DGKB: variants seen among roughly 807,000 people sequenced by gnomAD.
DGKB encodes 90 kDa diacylglycerol kinase.
Under a neutral mutation model 114.3 loss-of-function variants are expected in DGKB, and 67 were observed. That is an observed-to-expected ratio of 0.59 (90% CI 0.48 to 0.72). DGKB has a LOEUF of 0.72. Ranked by LOEUF, DGKB falls within the 30% of genes least tolerant of loss-of-function variation. DGKB has a pLI of 0.00. For synonymous variants in DGKB, 398 were observed against 323.1 expected (o/e 1.23, Z -2.49); for missense variants, 907 against 975.2 (o/e 0.93, Z 0.93).
chr7:14,625,964 A>G (rs1483118042), intron 14 of DGKB, among the ~76,000 whole-genome samples: 4 of 152,192 alleles, frequency 2.6e-5, no homozygotes, highest in Non-Finnish European at 5.9e-5. Context: ...TAACTGGGGA[A>G]TATATTGTAT....
At chr7:14,908,014 T>G (rs74820360), upstream of DGKB, among the ~76,000 whole-genome samples, 1,548 of 152,310 alleles carry the variant, frequency 0.01, 27 homozygotes, top group African/African-American at 0.035. Context: ...TGAAGTTTTA[T>G]GTGGAAAATT....
At chr7:14,170,145 A>AAAGAAAG (rs1554271986) in intron 25 of DGKB, among the ~76,000 whole-genome samples, 16 of 100,002 alleles carry the variant, frequency 1.6e-4, no homozygotes, top group Non-Finnish European at 2.2e-4. Flanking sequence ...AAAAAAAAAA[A>AAAGAAAG]AAAGAAAGAA....
intron 2 of DGKB, among the ~76,000 whole-genome samples, chr7:14,779,527 AG>A (rs1838753096): frequency 6.6e-6 from 1 of 152,196 alleles, no homozygotes; most frequent in Non-Finnish European, 1.5e-5. Flanking sequence ...CAGAAAAAAA[AG>A]AATATGATTA....
chr7:14,405,743 G>A (rs1823835830), intron 21 of DGKB, among the ~76,000 whole-genome samples: 1 of 151,984 alleles, frequency 6.6e-6, no homozygotes, highest in Admixed American at 6.6e-5. Flanking sequence ...GAGAGTAATG[G>A]AAACCAGGCA....
chr7:14,645,775 T>A (rs780759232), intron 13 of DGKB, among the ~76,000 whole-genome samples: 27 of 151,678 alleles, frequency 1.8e-4, no homozygotes, highest in African/African-American at 6.3e-4. Context: ...TAAAGTTTTC[T>A]CAGACAAGCA....
At chr7:14,722,456 A>G (rs1829329766) in intron 5 of DGKB, among the ~76,000 whole-genome samples, 2 of 151,968 alleles carry the variant, frequency 1.3e-5, no homozygotes, top group Admixed American at 6.6e-5. Context: ...ATAACATTGC[A>G]TTGTCTGGAT....
intron 23 of DGKB, among the ~76,000 whole-genome samples, chr7:14,206,496 G>A (rs1411651977): frequency 6.6e-6 from 1 of 152,048 alleles, no homozygotes; most frequent in East Asian, 1.9e-4. Context: ...TTCAGGGCAT[G>A]TGGGAGAAAA....
At chr7:14,658,174 T>C (rs1231961013) in intron 13 of DGKB, among the ~76,000 whole-genome samples, 2 of 151,874 alleles carry the variant, frequency 1.3e-5, no homozygotes, top group African/African-American at 4.8e-5. Context: ...GATACGTAGA[T>C]TGCTGCTTCA....
rs149178180 is a variant in DGKB at position 14,275,316 on chromosome 7, A to C, written c.2122+63199T>G. On this transcript the variant is annotated intron_variant, in intron 23 of 25. Transcript: ENST00000402815. ...AGGCCCTGGTATAGGGTTGACACAC[A>C]ATAAAAAGTTTTTGTATGAATATTT... Among the ~76,000 whole-genome samples the C allele has an allele frequency of 6.0e-3, 920 of 152,316 alleles. 13 individuals carry two copies. The highest frequency in any genetic ancestry group is 0.021 in the African/African-American group (877 of 41,564).
chr7:14,603,305 T>C (rs1803902694), intron 17 of DGKB, among the ~76,000 whole-genome samples: 1 of 152,100 alleles, frequency 6.6e-6, no homozygotes, highest in South Asian at 2.1e-4. Flanking sequence ...GCTTCACTTT[T>C]ATATTAGTAA....
chr7:14,756,819 G>A (rs1834939429), intron 3 of DGKB, among the ~76,000 whole-genome samples: 1 of 151,784 alleles, frequency 6.6e-6, no homozygotes. Flanking sequence ...AATACATCCT[G>A]ACAAAAGGGT....
At chr7:14,163,088 C>T (rs1175205148) in intron 25 of DGKB, among the ~76,000 whole-genome samples, 2 of 152,012 alleles carry the variant, frequency 1.3e-5, no homozygotes, top group Non-Finnish European at 2.9e-5. Context: ...ACGGGTGTTA[C>T]AGATCCAGCA....
At chr7:14,666,715 T>G (rs1818088922) in intron 13 of DGKB, among the ~76,000 whole-genome samples, 1 of 151,956 alleles carries the variant, frequency 6.6e-6, no homozygotes, top group Admixed American at 6.6e-5. Flanking sequence ...AAACAGTTTC[T>G]GACCTCTCTT....
chr7:14,886,099 G>T (rs1855008035), intron 1 of DGKB, among the ~76,000 whole-genome samples: 1 of 151,858 alleles, frequency 6.6e-6, no homozygotes, highest in African/African-American at 2.4e-5. Context: ...AGCAAGTTAA[G>T]AATACAGTTG....
intron 2 of DGKB, among the ~76,000 whole-genome samples, chr7:14,770,172 C>A (rs137990704): frequency 0.02 from 3,048 of 152,038 alleles, 143 homozygotes; most frequent in Admixed American, 0.096. Flanking sequence ...CTCTGAGAAG[C>A]CTTAAGTTGC....
intron 2 of DGKB, among the ~76,000 whole-genome samples, chr7:14,790,379 A>G (rs1840497657): frequency 6.6e-6 from 1 of 152,122 alleles, no homozygotes; most frequent in Admixed American, 6.5e-5. Context: ...TTAGTTCCCA[A>G]AGATTTTCTT....
intron 1 of DGKB, among the ~76,000 whole-genome samples, chr7:14,881,497 C>A (rs1854228827): frequency 6.6e-6 from 1 of 152,066 alleles, no homozygotes; most frequent in South Asian, 2.1e-4. Context: ...GCCAAAAGAA[C>A]ATTCTTGCCA....
chr7:14,547,079 A>C (rs184984100), intron 20 of DGKB, among the ~76,000 whole-genome samples: 1 of 152,342 alleles, frequency 6.6e-6, no homozygotes, highest in East Asian at 1.9e-4. Flanking sequence ...CAGAATGAGC[A>C]ATATGAAATT....
intron 2 of DGKB, among the ~76,000 whole-genome samples, chr7:14,792,553 C>T (rs1301682677): frequency 6.6e-6 from 1 of 152,046 alleles, no homozygotes; most frequent in Non-Finnish European, 1.5e-5. Context: ...AATGACAACC[C>T]TGGTTCCCTG....
Sources: allele counts gnomAD v4.1 joint callset (sites outside exome capture counted in the v4.1 genomes callset), GRCh38; gene constraint gnomAD v4.1.1; transcripts MANE v1.5; gene names NCBI Gene and HGNC (gene_info 2026-07-23, HGNC 2026-07-21).